Variants in IKBKB observed in about 807,000 individuals in gnomAD.
IKBKB encodes the protein inhibitor of nuclear factor kappa-B kinase subunit beta.
In IKBKB, 42 loss-of-function variants were observed where a neutral mutation model predicts 113.6. The ratio of observed to expected loss-of-function variants is 0.37; its 90% CI spans 0.29 to 0.48. The LOEUF is 0.48. IKBKB is among the 20% of genes least tolerant of loss of function. The probability of loss-of-function intolerance (pLI) is 0.99; values close to 1 mark genes in which losing one functional copy is unlikely to be tolerated. For missense variants in IKBKB, 673 were observed against 939.7 expected (o/e 0.72, Z 3.71); for synonymous variants, 296 against 361.3 (o/e 0.82, Z 2.05).
intron 5 of IKBKB, among the ~76,000 whole-genome samples, chr8:42,294,571 G>A (rs1384167120): frequency 6.6e-6 from 1 of 152,204 alleles, no homozygotes; most frequent in East Asian, 1.9e-4. Flanking sequence ...AAAGGAAGGG[G>A]AAAAGTCAAG....
At chr8:42,291,993 C>G (rs1457669767) in intron 4 of IKBKB, among the ~76,000 whole-genome samples, 1 of 152,148 alleles carries the variant, frequency 6.6e-6, no homozygotes, top group Non-Finnish European at 1.5e-5. Context: ...AAGAAACTTT[C>G]CATGGGGCTT....
Position 42,331,632 on chromosome 8 carries a change from C to T in IKBKB, c.*653C>T, listed in dbSNP as rs1240677542. On this transcript the variant is annotated 3_prime_UTR_variant, in exon 22 of 22. Coordinates refer to ENST00000520810, the MANE Select transcript of IKBKB (RefSeq NM_001556.3). Reference sequence around the variant, plus strand: ...ACTACTTTGGTGGTTGTCCTCTTTTCGGCAAAGTTGGAGCGAGTGCCAAGC... The same window carrying T: ...ACTACTTTGGTGGTTGTCCTCTTTTTGGCAAAGTTGGAGCGAGTGCCAAGC... The T allele has an allele frequency of 2.3e-5, 13 of 561,994 alleles. No homozygotes were observed. The highest frequency in any genetic ancestry group is 4.1e-5 in the Non-Finnish European group (13 of 314,262). 34.8% of individuals were successfully genotyped at this position (561,994 alleles called of 1,614,324 possible).
rs1423628839 is a variant in IKBKB at position 42,330,985 on chromosome 8, G to A, written c.*6G>A. ...GCCTGGAGCAGGCCTCATGATGTGG[G>A]GGGACTCGACCCCCTGACATGGGGC... is the stretch of plus-strand genomic sequence containing the variant. On this transcript the variant is annotated 3_prime_UTR_variant, in exon 22 of 22. Transcript: ENST00000520810. The A allele has an allele frequency of 6.2e-7, 1 of 1,613,828 alleles. No individual in the cohort carries two copies. Among genetic ancestry groups the A allele is most frequent in the South Asian group, 1.1e-5 (1 of 91,070 alleles).
intron 5 of IKBKB, among the ~76,000 whole-genome samples, chr8:42,299,919 T>G (rs1814805456): frequency 6.6e-6 from 1 of 152,226 alleles, no homozygotes; most frequent in African/African-American, 2.4e-5. Flanking sequence ...TGCTCTGTGA[T>G]TTCTGTCTGT....
chr8:42,327,832 C>T (rs1416190760), intron 20 of IKBKB, among the ~76,000 whole-genome samples: 25 of 2,308 alleles, frequency 0.011, no homozygotes, highest in East Asian at 0.5. Flanking sequence ...GAGACGGAGT[C>T]TCGCTCTGTT....
At chr8:42,317,897 G>C in intron 12 of IKBKB, 126 bp downstream of exon 12, 5 of 698,558 alleles carry the variant, frequency 7.2e-6, no homozygotes, top group African/African-American at 1.8e-5. Flanking sequence ...CAGTCCTCAG[G>C]GCAGCCTTCC....
chr8:42,304,410 C>T (rs1816078609), intron 5 of IKBKB, among the ~76,000 whole-genome samples: 1 of 152,208 alleles, frequency 6.6e-6, no homozygotes, highest in Non-Finnish European at 1.5e-5. Context: ...CCTCATGTGA[C>T]ATCATCACGT....
At chr8:42,306,274 C>T (rs1816506648) in intron 6 of IKBKB, 69 bp from the exon 7 acceptor site, 1 of 963,982 alleles carries the variant, frequency 1.0e-6, no homozygotes, top group East Asian at 2.4e-5. Context: ...TAACACCAGG[C>T]AGTCAGAATC....
At chr8:42,317,021 CG>C in intron 11 of IKBKB, 117 bp downstream of exon 11, 1 of 988,466 alleles carries the variant, frequency 1.0e-6, no homozygotes, top group Non-Finnish European at 1.6e-6. Context: ...TCACACAGTG[CG>C]GATACCTGGC....
intron 16 of IKBKB, 114 bp downstream of exon 16, chr8:42,320,958 T>A (rs1371908064): frequency 1.7e-6 from 1 of 584,084 alleles, no homozygotes; most frequent in Non-Finnish European, 2.9e-6. Flanking sequence ...CTCTAGAGCA[T>A]GCTTCCCTGT....
intron 5 of IKBKB, among the ~76,000 whole-genome samples, chr8:42,293,840 C>T (rs543597246): frequency 6.6e-6 from 1 of 152,344 alleles, no homozygotes; most frequent in South Asian, 2.1e-4. Context: ...AGTTGTCATT[C>T]GAATGAGTTT....
intron 6 of IKBKB, among the ~76,000 whole-genome samples, chr8:42,305,480 AGT>A (rs769968862): frequency 6.6e-6 from 1 of 152,248 alleles, no homozygotes; most frequent in Non-Finnish European, 1.5e-5. Context: ...TTACATTGTT[AGT>A]TGCTCAAGTT....
At chr8:42,303,140 GAGAGAATGA>G (rs1488482869) in intron 5 of IKBKB, among the ~76,000 whole-genome samples, 2 of 124,870 alleles carry the variant, frequency 1.6e-5, no homozygotes, top group Non-Finnish European at 3.8e-5. Flanking sequence ...AGAGAGAGGA[GAGAGAATGA>G]GAGAGAGAAT....
chr8:42,288,866 G>A (rs534643304), intron 3 of IKBKB, 138 bp downstream of exon 3: 33 of 558,872 alleles, frequency 5.9e-5, no homozygotes, highest in Admixed American at 8.5e-5. Flanking sequence ...GGCAGATCAC[G>A]AGGTCAGGAG....
rs146173263 is a variant in IKBKB, at chr8:42,319,294, C to T, written c.1389C>T (p.Ser463=). The T allele has an allele frequency of 2.2e-4, 352 of 1,614,120 alleles. 2 individuals carry two copies. The East Asian group carries it at 7.7e-3, about 35-fold the overall frequency. Residue 463 remains serine (S), a synonymous_variant, in exon 14 of 22, where the codon AGC becomes AGT. Transcript: ENST00000520810. ...AAMMNLLRNN[S]CLSKMKNSMA... ...GGATGAATCTCCTCCGAAACAACAG[C>T]TGCCTCTCCAAAATGAAGAATTCCA...
chr8:42,297,965 G>T, intron 5 of IKBKB: 1 of 346,458 alleles, frequency 2.9e-6, no homozygotes, highest in Non-Finnish European at 4.1e-6. Context: ...TCCTGGCCAG[G>T]ACTCTTCTGC....
chr8:42,294,697 A>G (rs1813353758), intron 5 of IKBKB, among the ~76,000 whole-genome samples: 7 of 152,230 alleles, frequency 4.6e-5, no homozygotes, highest in Admixed American at 3.9e-4. Flanking sequence ...CGTTGACATT[A>G]CATCAGTTTT....
intron 2 of IKBKB, among the ~76,000 whole-genome samples, chr8:42,284,901 G>T (rs1811112634): frequency 1.4e-5 from 2 of 142,320 alleles, no homozygotes; most frequent in African/African-American, 5.2e-5. Context: ...CTGTCACCCA[G>T]GCTGGAGTGC....
chr8:42,305,256 T>C lies in IKBKB; in HGVS notation c.458T>C (p.Leu153Pro). Reference sequence around the variant, plus strand: ...GATCTAAAGCCAGAAAACATCGTCCTGCAGCAAGGAGAACAGAGGGTAAGT... The same window carrying C: ...GATCTAAAGCCAGAAAACATCGTCCCGCAGCAAGGAGAACAGAGGGTAAGT... ...HRDLKPENIV[L>P]QQGEQRLIHK... is the part of the protein sequence containing the mutation. Residue 153 changes from leucine (L) to proline (P), a missense_variant, in exon 6 of 22, where the codon CTG (leucine) becomes CCG (proline). Physicochemically the swap from Leu to Pro is moderately conservative, Grantham distance 98. This residue lies in a region of IKBKB where 167 missense variants were observed against 301.0 expected (regional missense o/e 0.55). Coordinates refer to ENST00000520810, the MANE Select transcript of IKBKB (RefSeq NM_001556.3). 1 of 1,612,974 alleles carries C rather than the reference T, an allele frequency of 6.2e-7. No homozygotes were observed. The highest frequency in any genetic ancestry group is 8.5e-7 in the Non-Finnish European group (1 of 1,179,074).
Sources: allele counts gnomAD v4.1 joint callset (sites outside exome capture counted in the v4.1 genomes callset), GRCh38; gene constraint gnomAD v4.1.1; regional missense constraint gnomAD v4.1.1; transcripts MANE v1.5; gene names NCBI Gene and HGNC (gene_info 2026-07-23, HGNC 2026-07-21).